The following TPTE variants were observed in gnomAD, a reference collection of about 807,000 sequenced individuals.
TPTE encodes transmembrane phosphatase with tensin homology.
Under a neutral mutation model 84.1 loss-of-function variants are expected in TPTE, and 59 were observed. That is an observed-to-expected ratio of 0.70 (90% CI 0.57 to 0.87). The LOEUF (loss-of-function observed/expected upper bound fraction) is 0.87, where lower values mean the gene tolerates loss of function less well. TPTE is among the 40% of genes least tolerant of loss of function. The probability of loss-of-function intolerance (pLI) is 0.00; values close to 1 mark genes in which losing one functional copy is unlikely to be tolerated. For missense variants in TPTE, 382 were observed against 659.6 expected (o/e 0.58, Z 4.61); for synonymous variants, 130 against 223.5 (o/e 0.58, Z 3.73).
intron 8 of TPTE, among the ~76,000 whole-genome samples, chr21:10,554,350 A>C (rs2074637576): frequency 6.6e-6 from 1 of 152,304 alleles, no homozygotes; most frequent in African/African-American, 2.4e-5. Context: ...AAATTCTCAG[A>C]AGTGGAAATT....
intron 17 of TPTE, among the ~76,000 whole-genome samples, chr21:10,585,567 A>G (rs1422590318): frequency 1.3e-5 from 2 of 152,298 alleles, no homozygotes; most frequent in Admixed American, 6.5e-5. Context: ...GCAATTGGTT[A>G]TAATTTTCCT....
At chr21:10,604,076 T>C (rs1479640412) in intron 23 of TPTE, among the ~76,000 whole-genome samples, 4 of 152,428 alleles carry the variant, frequency 2.6e-5, no homozygotes, top group African/African-American at 7.2e-5. Context: ...GACACACTTA[T>C]ATCTAGGAGA....
intron 3 of TPTE, among the ~76,000 whole-genome samples, chr21:10,534,892 T>A (rs1284689515): frequency 6.6e-6 from 1 of 152,312 alleles, no homozygotes; most frequent in Non-Finnish European, 1.5e-5. Flanking sequence ...TGCCTGTGTA[T>A]GAGATTCTAC....
chr21:10,545,314 G>A (rs1423912533), intron 7 of TPTE, among the ~76,000 whole-genome samples: 1 of 152,290 alleles, frequency 6.6e-6, no homozygotes, highest in Non-Finnish European at 1.5e-5. Context: ...AGGCCCAGGA[G>A]CACCTTTACA....
intron 10 of TPTE, among the ~76,000 whole-genome samples, chr21:10,562,514 G>T (rs1025604180): frequency 6.6e-6 from 1 of 152,312 alleles, no homozygotes; most frequent in African/African-American, 2.4e-5. Context: ...AGAAATTCAA[G>T]ATAACACAGA....
chr21:10,534,449 T>G (rs571091601), intron 3 of TPTE, among the ~76,000 whole-genome samples: 83 of 152,374 alleles, frequency 5.4e-4, no homozygotes, highest in African/African-American at 1.9e-3. Context: ...GTGTTTTGTT[T>G]GTTTTGTTTT....
At chr21:10,573,660 T>G in intron 14 of TPTE, among the ~76,000 whole-genome samples, 1 of 152,310 alleles carries the variant, frequency 6.6e-6, no homozygotes, top group African/African-American at 2.4e-5. Flanking sequence ...TATACAAGTA[T>G]TGAGATATCC....
At chr21:10,542,655 C>A (rs538559291) in intron 6 of TPTE, among the ~76,000 whole-genome samples, 1 of 152,424 alleles carries the variant, frequency 6.6e-6, no homozygotes, top group Admixed American at 6.5e-5. Context: ...CAAACTAATC[C>A]ATGCACATGA....
chr21:10,589,433 G>T (rs2075424401), intron 17 of TPTE, among the ~76,000 whole-genome samples: 1 of 152,302 alleles, frequency 6.6e-6, no homozygotes, highest in African/African-American at 2.4e-5. Context: ...CAGGCAATGG[G>T]CTGAAATCCT....
intron 13 of TPTE, 118 bp downstream of exon 13, chr21:10,569,864 A>T (rs1463643905): frequency 1.9e-6 from 3 of 1,601,098 alleles, no homozygotes; most frequent in East Asian, 4.5e-5. Flanking sequence ...ATGAGGATAT[A>T]TGCTACTGTG....
chr21:10,603,458 ATTGT>A (rs1363786293), intron 22 of TPTE, 100 bp from the exon 23 acceptor site: 9 of 1,188,240 alleles, frequency 7.6e-6, no homozygotes, highest in African/African-American at 3.1e-5. Context: ...AATGGTTATA[ATTGT>A]TTGATAAATA....
chr21:10,579,839 AT>A (rs1490311073), intron 17 of TPTE, among the ~76,000 whole-genome samples: 1 of 152,304 alleles, frequency 6.6e-6, no homozygotes, highest in Non-Finnish European at 1.5e-5. Flanking sequence ...TGCAGTGAAC[AT>A]GGGAGTGCAG....
chr21:10,564,449 G>A (rs1373602525), intron 10 of TPTE, among the ~76,000 whole-genome samples: 1 of 152,306 alleles, frequency 6.6e-6, no homozygotes, highest in Admixed American at 6.5e-5. Flanking sequence ...GGCAGAGGTT[G>A]CAGTGAGCTG....
chr21:10,566,521 A>G (rs1365136571), intron 10 of TPTE, among the ~76,000 whole-genome samples: 1 of 152,306 alleles, frequency 6.6e-6, no homozygotes, highest in Non-Finnish European at 1.5e-5. Context: ...ACCCACAAAA[A>G]AGGAAATCAC....
chr21:10,569,618 TATA>T (rs2075000971), intron 12 of TPTE, 62 bp from the exon 13 acceptor site: 2 of 1,613,882 alleles, frequency 1.2e-6, no homozygotes, highest in Non-Finnish European at 1.7e-6. Flanking sequence ...ATCTATACTG[TATA>T]ATGTTTTTTA....
intron 3 of TPTE, among the ~76,000 whole-genome samples, chr21:10,533,177 A>G (rs374598601): frequency 0.025 from 3,724 of 150,906 alleles, 1 homozygote; most frequent in African/African-American, 0.088. Flanking sequence ...AAGTTTCTCA[A>G]TCTAATCTTC....
At chr21:10,522,441 C>T (rs1283820362) in intron 1 of TPTE, among the ~76,000 whole-genome samples, 2 of 152,306 alleles carry the variant, frequency 1.3e-5, no homozygotes, top group Admixed American at 1.3e-4. Flanking sequence ...CCCAGTCGGC[C>T]CTTGGGGCGC....
chr21:10,556,445 T>G (rs1447997749), intron 8 of TPTE, among the ~76,000 whole-genome samples: 1 of 152,306 alleles, frequency 6.6e-6, no homozygotes, highest in Non-Finnish European at 1.5e-5. Context: ...TCTATCATTG[T>G]TGGACATTTG....
rs561021563 is a variant in TPTE at position 10,531,026 on chromosome 21, G to T, written c.-44+3614G>T. ...TCCTATCTTTGTCTTGTTAATTTAC[G>T]TGTGCTGTTTTTGAATATTTTATAT... On this transcript the variant is annotated intron_variant, in intron 3 of 23. Coordinates refer to ENST00000618007, the MANE Select transcript of TPTE (RefSeq NM_199261.4). 2.6e-5 allele frequency among the ~76,000 whole-genome samples: 4 copies of T among 152,420 alleles called. No individual in the cohort carries two copies. In the East Asian group the frequency reaches 7.7e-4, roughly 29 times the overall value.
Sources: allele counts gnomAD v4.1 joint callset (sites outside exome capture counted in the v4.1 genomes callset), GRCh38; gene constraint gnomAD v4.1.1; transcripts MANE v1.5; gene names NCBI Gene and HGNC (gene_info 2026-07-23, HGNC 2026-07-21).